SPMIP4: variants seen among roughly 807,000 people sequenced by gnomAD.
SPMIP4 encodes sperm microtubule inner protein 4.
chr7:25,159,161 C>T, the SPMIP4 span, among the ~76,000 whole-genome samples: 1 of 152,192 alleles, frequency 6.6e-6, no homozygotes, highest in Non-Finnish European at 1.5e-5. Flanking sequence ...GGAAGCCTGA[C>T]GTTATACATG....
the SPMIP4 span, among the ~76,000 whole-genome samples, chr7:25,141,723 C>T: frequency 6.6e-6 from 1 of 151,236 alleles, no homozygotes; most frequent in African/African-American, 2.4e-5. Context: ...AAAAAAAAAC[C>T]ACTCTGAAGA....
chr7:25,138,711 A>G, the SPMIP4 span, among the ~76,000 whole-genome samples: 1 of 152,250 alleles, frequency 6.6e-6, no homozygotes, highest in Non-Finnish European at 1.5e-5. The surrounding 1 kb of genome is among the most constrained non-coding windows in gnomAD (Gnocchi z 6.2). Flanking sequence ...GCCACTTTGA[A>G]AAATGGTTTT....
chr7:25,159,287 T>C, the SPMIP4 span, among the ~76,000 whole-genome samples: 1 of 152,198 alleles, frequency 6.6e-6, no homozygotes, highest in Non-Finnish European at 1.5e-5. Context: ...TGATAGTAAA[T>C]GTTGCCCGGT....
At chr7:25,126,412 G>A in the SPMIP4 span, among the ~76,000 whole-genome samples, 3 of 152,124 alleles carry the variant, frequency 2.0e-5, no homozygotes, top group East Asian at 5.8e-4. Flanking sequence ...CCTGACCTCA[G>A]GTGATTCACC....
the SPMIP4 span, chr7:25,168,253 A>T: frequency 1.3e-6 from 2 of 1,569,790 alleles, no homozygotes; most frequent in Non-Finnish European, 1.7e-6. Flanking sequence ...AATGGATAAT[A>T]AAGACCTTTC....
the SPMIP4 span, chr7:25,180,287 C>T: frequency 6.6e-6 from 1 of 152,330 alleles, no homozygotes; most frequent in Non-Finnish European, 1.5e-5. Context: ...ACGGGACTGG[C>T]AAGAATGCGA....
At chr7:25,166,459 C>T in the SPMIP4 span, among the ~76,000 whole-genome samples, 9 of 152,042 alleles carry the variant, frequency 5.9e-5, no homozygotes, top group African/African-American at 1.2e-4. Flanking sequence ...TGGTGGCGGA[C>T]GCCTGTAGTC....
the SPMIP4 span, among the ~76,000 whole-genome samples, chr7:25,159,775 T>A: frequency 5.9e-4 from 90 of 152,168 alleles, no homozygotes; most frequent in Non-Finnish European, 1.1e-3. Flanking sequence ...CTATCTTCCA[T>A]CAACATCACT....
the SPMIP4 span, among the ~76,000 whole-genome samples, chr7:25,147,343 A>G: frequency 7.9e-5 from 12 of 152,172 alleles, no homozygotes; most frequent in Non-Finnish European, 1.5e-4. Flanking sequence ...AAGGAAAAGG[A>G]ATGTTGATTG....
chr7:25,158,448 AT>A, the SPMIP4 span: 126 of 1,337,102 alleles, frequency 9.4e-5, no homozygotes, highest in African/African-American at 5.8e-4. Flanking sequence ...GGAAATGTCA[AT>A]TTTTTTTTCT....
the SPMIP4 span, among the ~76,000 whole-genome samples, chr7:25,177,498 A>G: frequency 6.6e-6 from 1 of 152,236 alleles, no homozygotes. Flanking sequence ...AAAAAACAAA[A>G]AAACAAAAAA....
chr7:25,145,074 T>A, the SPMIP4 span, among the ~76,000 whole-genome samples: 1 of 151,808 alleles, frequency 6.6e-6, no homozygotes, highest in Non-Finnish European at 1.5e-5. Context: ...GTGATTCTCC[T>A]GCCTCAGCCT....
the SPMIP4 span, among the ~76,000 whole-genome samples, chr7:25,167,864 T>A: frequency 3.2e-4 from 49 of 152,286 alleles, no homozygotes; most frequent in Middle Eastern, 3.4e-3. Context: ...AACTTTAAGA[T>A]TTATAAACTA....
At chr7:25,153,856 A>G in the SPMIP4 span, among the ~76,000 whole-genome samples, 5 of 152,202 alleles carry the variant, frequency 3.3e-5, no homozygotes. Flanking sequence ...TACAGCTTTC[A>G]CTGCCTTTTT....
chr7:25,142,862 A>G, the SPMIP4 span: 28 of 1,328,076 alleles, frequency 2.1e-5, no homozygotes, highest in African/African-American at 2.8e-4. Context: ...ATCTAGTAGA[A>G]TAAGACCTGA....
the SPMIP4 span, among the ~76,000 whole-genome samples, chr7:25,151,319 T>C: frequency 1.3e-5 from 2 of 151,650 alleles, no homozygotes; most frequent in African/African-American, 2.4e-5. Context: ...CCTCCCAGGT[T>C]CAAGCGATTC....
chr7:25,128,213 A>G, the SPMIP4 span, among the ~76,000 whole-genome samples: 1 of 152,202 alleles, frequency 6.6e-6, no homozygotes, highest in African/African-American at 2.4e-5. The surrounding 1 kb of genome is among the most constrained non-coding windows in gnomAD (Gnocchi z 4.5). Context: ...TAGCTACAGT[A>G]GCTTATGTTT....
At chr7:25,147,942 G>C in the SPMIP4 span, among the ~76,000 whole-genome samples, 1 of 152,186 alleles carries the variant, frequency 6.6e-6, no homozygotes, top group Non-Finnish European at 1.5e-5. Context: ...TTTTAGAGCA[G>C]TATGTTATAC....
chr7:25,136,050 A>G, the SPMIP4 span: 1 of 1,614,066 alleles, frequency 6.2e-7, no homozygotes, highest in Non-Finnish European at 8.5e-7. The surrounding 1 kb of genome is among the most constrained non-coding windows in gnomAD (Gnocchi z 5.7). Context: ...TGAGGTCTTT[A>G]TGGTCTTCTA....
Sources: allele counts gnomAD v4.1 joint callset (sites outside exome capture counted in the v4.1 genomes callset), GRCh38; gene constraint gnomAD v4.1.1; non-coding constraint Gnocchi (gnomAD v3.1); transcripts MANE v1.5; gene names NCBI Gene and HGNC (gene_info 2026-07-23, HGNC 2026-07-21).